The following IFT172 variants were observed in gnomAD, a reference collection of about 807,000 sequenced individuals.
The protein encoded by IFT172 is intraflagellar transport protein 172 homolog.
A neutral mutation model predicts 248.9 loss-of-function variants in IFT172; 164 were observed. That is an observed-to-expected ratio of 0.66 (90% confidence interval 0.58 to 0.75). The LOEUF (loss-of-function observed/expected upper bound fraction) is 0.75, where lower values mean the gene tolerates loss of function less well. Ranked by LOEUF, IFT172 falls within the 30% of genes least tolerant of loss-of-function variation. The pLI is 0.00. For missense variants in IFT172, 1,950 were observed against 2,192.4 expected (o/e 0.89, Z 2.21); for synonymous variants, 729 against 791.6 (o/e 0.92, Z 1.33).
At chr2:27,467,235 G>GA (rs1227326650) in intron 16 of IFT172, among the ~76,000 whole-genome samples, 1 of 151,634 alleles carries the variant, frequency 6.6e-6, no homozygotes, top group Non-Finnish European at 1.5e-5. Flanking sequence ...TAGCAGATTA[G>GA]ACAATGATAA....
chr2:27,445,287 C>T lies in IFT172; in HGVS notation c.5068+9G>A. ...ACCACAGGATCTGGGGTGCTGTAGG[C>T]TTCTATACCTGTAATAAGGCAGGGC... On this transcript the variant is annotated intron_variant, in intron 46 of 47. Transcript: ENST00000260570. The surrounding 1 kb of genome is among the most constrained non-coding windows in gnomAD (Gnocchi z 4.4). 6.2e-7 allele frequency: 1 copy of T among 1,609,434 alleles called. No homozygotes were observed. Among genetic ancestry groups the T allele is most frequent in the Non-Finnish European group, 8.5e-7 (1 of 1,177,324 alleles).
intron 23 of IFT172, 124 bp from the exon 24 acceptor site, chr2:27,459,953 G>T: frequency 1.5e-6 from 2 of 1,298,202 alleles, no homozygotes; most frequent in Non-Finnish European, 2.1e-6. Flanking sequence ...CTGGAGCCAG[G>T]CATCCTGAAC....
chr2:27,470,435 G>A (rs946857246), intron 16 of IFT172, among the ~76,000 whole-genome samples: 9 of 152,108 alleles, frequency 5.9e-5, no homozygotes, highest in African/African-American at 1.9e-4. Context: ...AGCATCAAGC[G>A]CTCTACCCAT....
At chr2:27,463,261 T>C (rs1666823168) in intron 18 of IFT172, 80 bp from the exon 19 acceptor site, 1 of 1,331,802 alleles carries the variant, frequency 7.5e-7, no homozygotes, top group Non-Finnish European at 1.1e-6. Context: ...AAATACAAAT[T>C]GATGTACATC....
At chr2:27,489,525 AG>A in intron 1 of IFT172, 89 bp downstream of exon 1, 1 of 946,034 alleles carries the variant, frequency 1.1e-6, no homozygotes, top group Non-Finnish European at 1.7e-6. Flanking sequence ...TTCTGCACAC[AG>A]TAGGAGGTCA....
intron 1 of IFT172, 140 bp from the exon 2 acceptor site, chr2:27,485,643 T>C (rs1350178543): frequency 1.1e-6 from 1 of 947,000 alleles, no homozygotes; most frequent in East Asian, 2.6e-5. Flanking sequence ...GAGATGCCTG[T>C]GGCCCATGCT....
At position 27,489,257 on chromosome 2, in the gene IFT172, C is replaced by T. The variant is rs185372883; in HGVS notation, c.39+358G>A. On this transcript the variant is annotated intron_variant, in intron 1 of 47. Transcript: ENST00000260570. Reference sequence around the variant, plus strand: ...CTTTGCACTCCCCCTTCAGGGCTTGCACCTAAGGCGCTTATTTAATTATGG... The same window carrying T: ...CTTTGCACTCCCCCTTCAGGGCTTGTACCTAAGGCGCTTATTTAATTATGG... Among the ~76,000 whole-genome samples, 4 of 152,330 alleles carry T rather than the reference C, an allele frequency of 2.6e-5. No individual in the cohort carries two copies. In the East Asian group the frequency reaches 7.7e-4, roughly 29 times the overall value.
intron 25 of IFT172, chr2:27,459,119 T>C: frequency 1.6e-6 from 1 of 619,224 alleles, no homozygotes; most frequent in East Asian, 2.8e-5. Context: ...ATAACTATGT[T>C]AGCATTATTC....
intron 47 of IFT172, 107 bp from the exon 48 acceptor site, chr2:27,444,628 C>A: frequency 1.2e-6 from 1 of 832,024 alleles, no homozygotes; most frequent in Admixed American, 2.1e-5. Flanking sequence ...TAATCCCACC[C>A]ATCTTTCTAG....
chr2:27,459,295 T>C (rs1572755340), intron 25 of IFT172, 83 bp downstream of exon 25: 4 of 1,527,188 alleles, frequency 2.6e-6, no homozygotes, highest in East Asian at 4.5e-5. Flanking sequence ...TCTGGTGAAC[T>C]TGCCTCCACT....
intron 16 of IFT172, among the ~76,000 whole-genome samples, chr2:27,468,032 C>T (rs536275333): frequency 1.7e-4 from 26 of 151,626 alleles, no homozygotes; most frequent in Non-Finnish European, 3.1e-4. Flanking sequence ...TGGTGGCATG[C>T]GCCTGCAGTT....
chr2:27,480,280 C>G lies in IFT172; in HGVS notation c.786-131G>C, dbSNP rs1256687590. The G allele has an allele frequency of 3.8e-6, 5 of 1,318,254 alleles. No individual in the cohort carries two copies. In the African/African-American group the frequency reaches 4.4e-5, roughly 12 times the overall value. The allele number at this position is 1,318,254 out of a possible 1,614,324, so 81.7% of individuals were successfully genotyped here. On this transcript the variant is annotated intron_variant, in intron 8 of 47. Coordinates refer to ENST00000260570, the MANE Select transcript of IFT172 (RefSeq NM_015662.3). Reference sequence around the variant, plus strand: ...AAATAAAAAGAACAGACAAGCTAGGCAGTCTAGCAGAAGAGGATATAAAGG... The same window carrying G: ...AAATAAAAAGAACAGACAAGCTAGGGAGTCTAGCAGAAGAGGATATAAAGG...
chr2:27,470,883 A>C, intron 16 of IFT172, 45 bp downstream of exon 16: 7 of 1,497,166 alleles, frequency 4.7e-6, no homozygotes, highest in Non-Finnish European at 6.2e-6. Flanking sequence ...GGCTCTAATT[A>C]ATCAGCTCAA....
In IFT172 at chr2:27,481,058, C is replaced by G. The variant is rs1303576592; in HGVS notation, c.773G>C (p.Gly258Ala). The change falls in exon 8 of 48, where the codon GGA becomes GCA. Residue 258 changes from glycine to alanine, a missense_variant. Around this residue, in one of 3 missense-constraint regions of IFT172, gnomAD observed 1,166 missense variants for 1,254.1 expected, o/e 0.93. Coordinates refer to ENST00000260570, the MANE Select transcript of IFT172 (RefSeq NM_015662.3). ...SSPGGQSVVL[G>A]SYDRLRVFNW... ...AAAGGGGACTTACCTGTCATAACTT[C>G]CTAGCACAACAGACTGGCCCCCAGG... is the stretch of plus-strand genomic sequence containing the variant. 7 of 1,613,704 alleles carry G rather than the reference C, an allele frequency of 4.3e-6. No homozygotes were observed. Among genetic ancestry groups the G allele is most frequent in the African/African-American group, 1.3e-5 (1 of 74,896 alleles).
intron 19 of IFT172, 75 bp downstream of exon 19, chr2:27,463,022 A>G: frequency 6.6e-7 from 1 of 1,521,360 alleles, no homozygotes; most frequent in Non-Finnish European, 9.1e-7. Context: ...CTGGAAAGCT[A>G]GGAATCATGG....
chr2:27,480,164 G>A lies in IFT172; in HGVS notation c.786-15C>T, dbSNP rs200145274. On this transcript the variant is annotated splice_polypyrimidine_tract_variant and intron_variant, in intron 8 of 47. Transcript: ENST00000260570. ...ACACCCGAAGCCTGAAATAAAGTAT[G>A]TGGCTTTTAGAAGAGATTGAGGCTG... 66 of 1,611,222 alleles carry A rather than the reference G, an allele frequency of 4.1e-5. No individual in the cohort carries two copies. In the East Asian group the frequency reaches 1.4e-3, roughly 34 times the overall value.
intron 3 of IFT172, 42 bp downstream of exon 3, chr2:27,484,976 C>T: frequency 8.5e-7 from 1 of 1,170,796 alleles, no homozygotes; most frequent in East Asian, 2.3e-5. Context: ...TTGCCTTCCC[C>T]TTCTTTCCTG....
At chr2:27,477,180 C>G (rs751961939) in intron 13 of IFT172, 37 bp downstream of exon 13, 3 of 1,556,406 alleles carry the variant, frequency 1.9e-6, no homozygotes, top group Non-Finnish European at 2.7e-6. Context: ...AGGAATTATT[C>G]TGGGTTTCAG....
intron 7 of IFT172, among the ~76,000 whole-genome samples, chr2:27,482,913 T>G (rs947524944): frequency 1.4e-4 from 21 of 151,738 alleles, no homozygotes; most frequent in Admixed American, 1.4e-3. Context: ...TCTAGCTTCC[T>G]CTCTTAGTAT....
Sources: allele counts gnomAD v4.1 joint callset (sites outside exome capture counted in the v4.1 genomes callset), GRCh38; gene constraint gnomAD v4.1.1; regional missense constraint gnomAD v4.1.1; non-coding constraint Gnocchi (gnomAD v3.1); transcripts MANE v1.5; gene names NCBI Gene and HGNC (gene_info 2026-07-23, HGNC 2026-07-21).